CTNNA2: variants seen among roughly 807,000 people sequenced by gnomAD.
CTNNA2 encodes the protein catenin alpha-2.
A neutral mutation model predicts 101.0 loss-of-function variants in CTNNA2; 42 were observed. The ratio of observed to expected loss-of-function variants is 0.42; its 90% CI spans 0.32 to 0.54. The LOEUF (loss-of-function observed/expected upper bound fraction) is 0.54, where lower values mean the gene tolerates loss of function less well. Among genes scored for constraint, CTNNA2 ranks in the 20% least tolerant of loss-of-function variants. The pLI is 0.14. For synonymous variants in CTNNA2, 450 were observed against 456.4 expected, an observed-to-expected ratio of 0.99 and a Z score of 0.18; for missense variants, 871 against 1,223.1, an observed-to-expected ratio of 0.71 and a Z score of 4.29.
upstream of CTNNA2, among the ~76,000 whole-genome samples, chr2:79,511,784 G>T (rs556578029): frequency 1.3e-5 from 2 of 152,162 alleles, no homozygotes; most frequent in Non-Finnish European, 2.9e-5. Context: ...AAGCAAAAGG[G>T]GGGAGGGAAA....
intron 2 of CTNNA2, among the ~76,000 whole-genome samples, chr2:79,727,832 G>C (rs867074353): frequency 6.7e-6 from 1 of 149,182 alleles, no homozygotes; most frequent in East Asian, 2.0e-4. Flanking sequence ...GCAGTGTTTG[G>C]TTTTTTGTTC....
intron 8 of CTNNA2, among the ~76,000 whole-genome samples, chr2:80,408,057 C>A (rs889873123): frequency 1.3e-5 from 2 of 152,166 alleles, no homozygotes; most frequent in African/African-American, 4.8e-5. Context: ...GAAGTAAATG[C>A]TCATCATTCT....
intron 9 of CTNNA2, among the ~76,000 whole-genome samples, chr2:80,538,112 C>G (rs1160986092): frequency 6.6e-6 from 1 of 151,878 alleles, no homozygotes; most frequent in Non-Finnish European, 1.5e-5. Flanking sequence ...CTTGTAGATT[C>G]TGGAAATTAG....
At chr2:80,468,483 A>G (rs1407379128) in intron 9 of CTNNA2, among the ~76,000 whole-genome samples, 1 of 152,070 alleles carries the variant, frequency 6.6e-6, no homozygotes, top group African/African-American at 2.4e-5. Flanking sequence ...CAGTGGTGCA[A>G]TCTCGGCTCA....
intron 9 of CTNNA2, among the ~76,000 whole-genome samples, chr2:80,484,796 G>A (rs766447042): frequency 3.9e-5 from 6 of 152,108 alleles, no homozygotes; most frequent in Non-Finnish European, 8.8e-5. Flanking sequence ...CACTAGGTCC[G>A]GAGATCGAGA....
chr2:80,464,660 C>T (rs773337589), intron 9 of CTNNA2, among the ~76,000 whole-genome samples: 1 of 152,302 alleles, frequency 6.6e-6, no homozygotes, highest in Admixed American at 6.5e-5. Context: ...CCTCCCCCAA[C>T]TTGCATACCC....
chr2:80,615,278 T>G (rs763777250), intron 17 of CTNNA2, among the ~76,000 whole-genome samples: 3 of 151,570 alleles, frequency 2.0e-5, no homozygotes, highest in Non-Finnish European at 4.4e-5. Flanking sequence ...ATACATCAGT[T>G]TCCATAAGTC....
intron 7 of CTNNA2, among the ~76,000 whole-genome samples, chr2:79,996,327 C>T (rs1303709441): frequency 4.6e-5 from 7 of 152,128 alleles, no homozygotes; most frequent in Non-Finnish European, 8.8e-5. Context: ...ATGCAAATTG[C>T]TGCTTGATAT....
Position 80,555,784 on chromosome 2 carries a change from G to A in CTNNA2, c.1632G>A (p.Arg544=), listed in dbSNP as rs756676860. 5 of 1,600,994 alleles carry A rather than the reference G, an allele frequency of 3.1e-6. No individual in the cohort carries two copies. Among genetic ancestry groups the A allele is most frequent in the South Asian group, 2.3e-5 (2 of 87,276 alleles). Residue 544 remains arginine (R), a synonymous_variant, in exon 12 of 19, where the codon AGG becomes AGA. Transcript: ENST00000402739. The part of the protein sequence containing the change: ...DTLDRTAGAI[R]GRAARVIHII... ...TGGACCGGACTGCAGGGGCCATCAG[G>A]GGCCGGGCAGCTCGAGTCATACACA...
intron 2 of CTNNA2, among the ~76,000 whole-genome samples, chr2:79,672,639 A>T (rs1682915986): frequency 6.6e-6 from 1 of 152,062 alleles, no homozygotes; most frequent in Admixed American, 6.6e-5. Context: ...CTTAGAAAAT[A>T]AAAAATAGGA....
intron 3 of CTNNA2, among the ~76,000 whole-genome samples, chr2:79,764,656 CACAGA>C (rs1673017331): frequency 6.6e-6 from 1 of 152,118 alleles, no homozygotes; most frequent in South Asian, 2.1e-4. Flanking sequence ...CTCCAAAAGC[CACAGA>C]ACAGTCTTTG....
intron 2 of CTNNA2, among the ~76,000 whole-genome samples, chr2:79,274,573 C>A (rs1675165528): frequency 6.6e-6 from 1 of 151,884 alleles, no homozygotes; most frequent in African/African-American, 2.4e-5. Flanking sequence ...ATATATCATT[C>A]AAGTATTTTT....
chr2:79,212,697 G>T (rs1050302064), intron 2 of CTNNA2, among the ~76,000 whole-genome samples: 1 of 51,256 alleles, frequency 2.0e-5, no homozygotes, highest in African/African-American at 5.1e-5. Flanking sequence ...AGAAATGACC[G>T]CGGTGGCCTC....
chr2:80,175,982 C>A (rs1275335045), intron 7 of CTNNA2, among the ~76,000 whole-genome samples: 1 of 152,212 alleles, frequency 6.6e-6, no homozygotes. Context: ...GCTGTGCTGG[C>A]AGCTGACTAG....
chr2:80,471,486 T>C (rs1572972089), intron 9 of CTNNA2, among the ~76,000 whole-genome samples: 1 of 152,286 alleles, frequency 6.6e-6, no homozygotes, highest in East Asian at 1.9e-4. Context: ...AGGCACAGTC[T>C]CTACTAAAAA....
At chr2:80,305,823 T>C (rs532593394) in intron 7 of CTNNA2, among the ~76,000 whole-genome samples, 3 of 152,108 alleles carry the variant, frequency 2.0e-5, no homozygotes, top group African/African-American at 7.2e-5. Flanking sequence ...GGGAAGTGAG[T>C]GTGGGCAAGC....
chr2:79,547,664 G>A (rs1018301599), intron 1 of CTNNA2: 2 of 152,126 alleles, frequency 1.3e-5, no homozygotes, highest in African/African-American at 2.4e-5. Flanking sequence ...TGAAAGTTCT[G>A]TAATGCATAA....
Position 80,260,592 on chromosome 2 carries a change from G to GT in CTNNA2, c.1057-132618dup, listed in dbSNP as rs142478921. 9.5e-3 allele frequency among the ~76,000 whole-genome samples: 1,449 copies of GT among 152,182 alleles called. 21 individuals are homozygous for GT. The highest frequency in any genetic ancestry group is 0.032 in the African/African-American group (1,348 of 41,530). On this transcript the variant is annotated intron_variant, in intron 7 of 18. Transcript: ENST00000402739. ...TTGTTTTTCAACGCGAGGCTTTCAG[G>GT]TAACAGCTATGACCTCACTCACATA...
chr2:80,648,008 A>G lies in CTNNA2; in HGVS notation c.*136A>G. 1 of 788,096 alleles carries G rather than the reference A, an allele frequency of 1.3e-6. No individual in the cohort carries two copies. Among genetic ancestry groups the G allele is most frequent in the Non-Finnish European group, 2.0e-6 (1 of 510,122 alleles). 48.8% of individuals were successfully genotyped at this position (788,096 alleles called of 1,614,324 possible). On this transcript the variant is annotated 3_prime_UTR_variant, in exon 19 of 19. Transcript: ENST00000402739. ...AATTAAGGGAACAGTGTCTGTTTGC[A>G]TGTAAGATGAGATGAGATCAATACT...
Sources: allele counts gnomAD v4.1 joint callset (sites outside exome capture counted in the v4.1 genomes callset), GRCh38; gene constraint gnomAD v4.1.1; transcripts MANE v1.5; gene names NCBI Gene and HGNC (gene_info 2026-07-23, HGNC 2026-07-21).